Variants in BTK observed in about 807,000 individuals in gnomAD.
BTK encodes tyrosine-protein kinase BTK.
In BTK, 5 loss-of-function variants were observed where a neutral mutation model predicts 57.4. The ratio of observed to expected loss-of-function variants is 0.09; its 90% CI spans 0.05 to 0.18. The LOEUF is 0.18. BTK is among the 10% of genes least tolerant of loss of function. BTK has a pLI of 1.00. For synonymous variants in BTK, 154 were observed against 174.3 expected, an observed-to-expected ratio of 0.88 and a Z score of 0.92; for missense variants, 194 against 501.2, an observed-to-expected ratio of 0.39 and a Z score of 5.85.
rs1926636648 is a variant in BTK, at chrX:101,360,680, G to C, written c.664C>G (p.Leu222Val). 1 of 1,209,558 alleles carries C rather than the reference G, an allele frequency of 8.3e-7. No individual in the cohort carries two copies. Among genetic ancestry groups the C allele is most frequent in the African/African-American group, 1.8e-5 (1 of 56,991 alleles). ...STSELKKVVA[L>V]YDYMPMNAND... ...GCATTCATTGGCATGTAATCATAAAGGGCCACAACCTTTTTCAGCTCACTT... is the reference window on the plus strand; with the variant it reads ...GCATTCATTGGCATGTAATCATAAACGGCCACAACCTTTTTCAGCTCACTT... The change falls in exon 8 of 19, where the codon CTT becomes GTT. Residue 222 changes from leucine (L) to valine (V), a missense_variant. Coordinates refer to ENST00000308731, the MANE Select transcript of BTK (RefSeq NM_000061.3).
intron 3 of BTK, among the ~76,000 whole-genome samples, chrX:101,371,905 T>C (rs1490573001): frequency 8.9e-6 from 1 of 111,908 alleles, no homozygotes; most frequent in Non-Finnish European, 1.9e-5. Context: ...GACTCAGGTA[T>C]TTCAAATCAC....
intron 18 of BTK, among the ~76,000 whole-genome samples, chrX:101,350,862 A>G (rs1926264820): frequency 8.9e-6 from 1 of 112,359 alleles, no homozygotes; most frequent in Non-Finnish European, 1.9e-5. Flanking sequence ...ACCAATGGTC[A>G]TCAATTTCTT....
At chrX:101,389,761 G>A (rs137963548), upstream of BTK, among the ~76,000 whole-genome samples, 4 of 111,313 alleles carry the variant, frequency 3.6e-5, no homozygotes, top group Non-Finnish European at 1.9e-5. Flanking sequence ...GACTACCTAG[G>A]ATCAAATTCC....
In BTK at chrX:101,349,836, T is replaced by C; in HGVS notation, c.*49A>G. 3 of 1,098,594 alleles carry C rather than the reference T, an allele frequency of 2.7e-6. No homozygotes were observed. Among genetic ancestry groups the C allele is most frequent in the South Asian group, 3.7e-5 (2 of 53,789 alleles). The allele number at this position is 1,098,594 out of a possible 1,213,427, so 90.5% of individuals were successfully genotyped here. ...TGGGATTTCCTCTGAGAAAGTGAAA[T>C]TGGGGCTTGTGGAGAAGAGAAGTAG... On this transcript the variant is annotated 3_prime_UTR_variant, in exon 19 of 19. Coordinates refer to ENST00000308731, the MANE Select transcript of BTK (RefSeq NM_000061.3).
At chrX:101,358,269 T>G (rs1338410954) in intron 12 of BTK, 41 bp downstream of exon 12, 3 of 1,208,261 alleles carry the variant, frequency 2.5e-6, no homozygotes, top group Non-Finnish European at 3.4e-6. Flanking sequence ...TTGCTTATCC[T>G]GGTGTCTGTA....
intron 15 of BTK, 41 bp downstream of exon 15, chrX:101,356,011 C>T (rs371298091): frequency 3.8e-5 from 44 of 1,164,409 alleles, no homozygotes; most frequent in Non-Finnish European, 4.8e-5. Context: ...ACTTCCACCC[C>T]ATCAGCCCTT....
chrX:101,383,347 A>G (rs1927513283), intron 1 of BTK, among the ~76,000 whole-genome samples: 1 of 111,866 alleles, frequency 8.9e-6, no homozygotes, highest in East Asian at 2.8e-4. Context: ...TCTCTATACA[A>G]GCATCATTTC....
rs781846859 is a variant in BTK, at chrX:101,362,581, A to T, written c.500T>A (p.Ile167Asn). ...CTTACTTCCATTCCTGTTCTCCAAA[A>T]TTTGGCAGCCCATAGCATTTTTGGC... ...QTAKNAMGCQ[I>N]LENRNGSLKP... Residue 167 changes from isoleucine (I) to asparagine (N), a missense_variant, in exon 6 of 19, where the codon ATT becomes AAT. Ile to Asn is a moderately radical substitution (Grantham distance 149). Around this residue, in one of 3 missense-constraint regions of BTK, gnomAD observed 115 missense variants for 258.3 expected, o/e 0.45. Transcript: ENST00000308731. 5.8e-6 allele frequency: 7 copies of T among 1,210,451 alleles called. No homozygotes were observed. Among genetic ancestry groups the T allele is most frequent in the Non-Finnish European group, 5.6e-6 (5 of 895,367 alleles).
chrX:101,354,366 C>T, intron 16 of BTK: 1 of 421,844 alleles, frequency 2.4e-6, no homozygotes, highest in Non-Finnish European at 4.1e-6. Context: ...ATTAATAGAT[C>T]AAGATAAGGT....
At chrX:101,375,874 T>A (rs1927194728) in intron 1 of BTK, among the ~76,000 whole-genome samples, 1 of 111,827 alleles carries the variant, frequency 8.9e-6, no homozygotes, top group South Asian at 3.7e-4. Context: ...GGACACACAC[T>A]AACTGCTGCC....
chrX:101,384,676 C>T (rs1168647389), intron 1 of BTK, among the ~76,000 whole-genome samples: 1 of 110,729 alleles, frequency 9.0e-6, no homozygotes, highest in Admixed American at 9.6e-5. Flanking sequence ...GACTTCAACA[C>T]AAGCAAGCAG....
chrX:101,388,687 A>C (rs1231519238), upstream of BTK, among the ~76,000 whole-genome samples: 2 of 112,041 alleles, frequency 1.8e-5, no homozygotes, highest in Admixed American at 9.5e-5. Context: ...TTTGAACTTC[A>C]AATGACTCCA....
At chrX:101,383,206 T>C (rs1475131421) in intron 1 of BTK, among the ~76,000 whole-genome samples, 1 of 111,729 alleles carries the variant, frequency 9.0e-6, no homozygotes. Context: ...TTTCGTAACA[T>C]CTATGTATGT....
intron 5 of BTK, among the ~76,000 whole-genome samples, chrX:101,369,111 C>T (rs1926946947): frequency 8.9e-6 from 1 of 112,455 alleles, no homozygotes; most frequent in Admixed American, 9.4e-5. Context: ...TCTGAACACA[C>T]TGTATGGTTG....
In BTK at chrX:101,375,225, T is replaced by C. The variant is rs1046301277; in HGVS notation, c.60A>G (p.Thr20=). Residue 20 remains threonine, a synonymous_variant, in exon 2 of 19, where the codon ACA becomes ACG. Coordinates refer to ENST00000308731, the MANE Select transcript of BTK (RefSeq NM_000061.3). The part of the protein sequence containing the change: ...FLKRSQQKKK[T]SPLNFKKRLF... ...GGCGCTTCTTGAAGTTTAGAGGTGA[T>C]GTTTTCTTTTTCTGTTGGGATCGCT... 1 of 1,211,433 alleles carries C rather than the reference T, an allele frequency of 8.3e-7. No individual in the cohort carries two copies. The highest frequency in any genetic ancestry group is 1.1e-6 in the Non-Finnish European group (1 of 895,318).
chrX:101,380,937 C>T (rs1042684601), intron 1 of BTK, among the ~76,000 whole-genome samples: 1 of 96,844 alleles, frequency 1.0e-5, no homozygotes, highest in Non-Finnish European at 2.0e-5. Context: ...ACCCGGGAGG[C>T]AGAGGTTGCA....
chrX:101,382,309 T>C (rs1927467637), intron 1 of BTK, among the ~76,000 whole-genome samples: 1 of 103,319 alleles, frequency 9.7e-6, no homozygotes, highest in Admixed American at 1.0e-4. Context: ...CAGCAGTTCA[T>C]GTTTTATTTA....
At chrX:101,381,315 C>G (rs1927415485) in intron 1 of BTK, among the ~76,000 whole-genome samples, 1 of 111,718 alleles carries the variant, frequency 9.0e-6, no homozygotes, top group Admixed American at 9.6e-5. Context: ...GACAAACTGG[C>G]AAACCTAGGT....
At chrX:101,378,988 A>G (rs1927314249) in intron 1 of BTK, among the ~76,000 whole-genome samples, 1 of 109,650 alleles carries the variant, frequency 9.1e-6, no homozygotes, top group African/African-American at 3.3e-5. Context: ...AGCCTGGCCA[A>G]CATGGTGAAA....
Sources: allele counts gnomAD v4.1 joint callset (sites outside exome capture counted in the v4.1 genomes callset), GRCh38; gene constraint gnomAD v4.1.1; regional missense constraint gnomAD v4.1.1; transcripts MANE v1.5; gene names NCBI Gene and HGNC (gene_info 2026-07-23, HGNC 2026-07-21).